The following IQCK variants were observed in gnomAD, a reference collection of about 807,000 sequenced individuals.
IQCK encodes the protein IQ motif containing K.
Under a neutral mutation model 28.1 loss-of-function variants are expected in IQCK, and 29 were observed. The observed-to-expected ratio is 1.03, with a 90% CI of 0.77 to 1.41. The LOEUF (loss-of-function observed/expected upper bound fraction) is 1.41, where lower values mean the gene tolerates loss of function less well. IQCK is among the 40% of genes most tolerant of loss of function. The pLI is 0.00. For synonymous variants in IQCK, 113 were observed against 115.1 expected (o/e 0.98, Z 0.12); for missense variants, 359 against 314.7 (o/e 1.14, Z -1.07).
chr16:19,806,008 G>A (rs1448530304), intron 7 of IQCK, among the ~76,000 whole-genome samples: 1 of 152,162 alleles, frequency 6.6e-6, no homozygotes, highest in Non-Finnish European at 1.5e-5. Context: ...TCTGGGTGAG[G>A]CCATCCGGTA....
chr16:19,850,474 G>A (rs2056468860), intron 9 of IQCK, among the ~76,000 whole-genome samples: 1 of 152,158 alleles, frequency 6.6e-6, no homozygotes. Flanking sequence ...AGCTAATTGA[G>A]TAAAAGATGA....
intron 4 of IQCK, chr16:19,761,315 C>G: frequency 2.3e-6 from 1 of 436,614 alleles, no homozygotes; most frequent in South Asian, 1.6e-5. Context: ...TTCTTTTTTT[C>G]CCTCCTTCAT....
downstream of IQCK, among the ~76,000 whole-genome samples, chr16:19,829,519 TAG>T (rs2056201842): frequency 2.6e-5 from 4 of 152,140 alleles, no homozygotes; most frequent in Admixed American, 2.0e-4. Context: ...GTTTTTTTCG[TAG>T]AGACGGGGTT....
chr16:19,816,287 A>G (rs2055988076), intron 7 of IQCK, among the ~76,000 whole-genome samples: 1 of 151,836 alleles, frequency 6.6e-6, no homozygotes, highest in African/African-American at 2.4e-5. Context: ...TCACAGCAAC[A>G]CTTCTTTTTT....
At chr16:19,757,719 A>G (rs2151704286) in intron 4 of IQCK, among the ~76,000 whole-genome samples, 1 of 152,260 alleles carries the variant, frequency 6.6e-6, no homozygotes, top group South Asian at 2.1e-4. Context: ...GTCTTTTATG[A>G]TGGTATTTTC....
chr16:19,829,989 G>A (rs915390528), downstream of IQCK, among the ~76,000 whole-genome samples: 1 of 151,720 alleles, frequency 6.6e-6, no homozygotes, highest in African/African-American at 2.4e-5. Flanking sequence ...GGCACAAAGT[G>A]AGCACCAGAT....
chr16:19,856,714 C>G, exon 10 of IQCK: 1 of 595,366 alleles, frequency 1.7e-6, no homozygotes. Context: ...AGCTTTAATG[C>G]AAATAGTTTA....
At chr16:19,820,522 G>A (rs543681465) in intron 7 of IQCK, among the ~76,000 whole-genome samples, 6 of 152,098 alleles carry the variant, frequency 3.9e-5, no homozygotes, top group Admixed American at 6.5e-5. Context: ...AGGGGCGGGC[G>A]CCTGTAGTCC....
rs1040061908 is a variant in IQCK at position 19,746,349 on chromosome 16, T to A, written c.474+10899T>A. Among the ~76,000 whole-genome samples the A allele has an allele frequency of 8.5e-5, 13 of 152,304 alleles. No individual in the cohort carries two copies. In the South Asian group the frequency reaches 2.5e-3, roughly 29 times the overall value. ...TTACAAACAATCCAATTACATAGAC[T>A]TTTTTACTTATTTTAAAATGTACAC... On this transcript the variant is annotated intron_variant, in intron 4 of 7. Coordinates refer to ENST00000564186, the Ensembl canonical transcript of IQCK.
At chr16:19,764,729 C>T in intron 6 of IQCK, among the ~76,000 whole-genome samples, 1 of 144,114 alleles carries the variant, frequency 6.9e-6, no homozygotes. Context: ...CTTGCTCTGT[C>T]ACCCAGGCTG....
chr16:19,817,854 T>G (rs2056010454), intron 7 of IQCK, among the ~76,000 whole-genome samples: 1 of 152,160 alleles, frequency 6.6e-6, no homozygotes, highest in South Asian at 2.1e-4. Context: ...GAACCCACCT[T>G]GTATGTCCTT....
chr16:19,733,500 T>C (rs1977907543), intron 2 of IQCK, among the ~76,000 whole-genome samples, 198 bp from the exon 3 acceptor site: 1 of 152,148 alleles, frequency 6.6e-6, no homozygotes, highest in Non-Finnish European at 1.5e-5. Flanking sequence ...AGCTGGTCCT[T>C]CTTTTCTCTA....
intron 9 of IQCK, among the ~76,000 whole-genome samples, chr16:19,853,937 A>G (rs1231383007): frequency 3.3e-5 from 5 of 152,058 alleles, no homozygotes; most frequent in Non-Finnish European, 7.4e-5. Flanking sequence ...CTGTCTGCCA[A>G]CTCTCTCTCT....
intron 9 of IQCK, among the ~76,000 whole-genome samples, chr16:19,845,525 G>A (rs555612293): frequency 1.1e-4 from 16 of 152,268 alleles, no homozygotes; most frequent in Non-Finnish European, 1.6e-4. Context: ...ACAGAATTTC[G>A]AAGGACAACC....
intron 9 of IQCK, among the ~76,000 whole-genome samples, chr16:19,851,682 C>T (rs2056484791): frequency 6.6e-6 from 1 of 152,154 alleles, no homozygotes; most frequent in Non-Finnish European, 1.5e-5. Flanking sequence ...TCCACTCTCC[C>T]AGCCCTTCCG....
At chr16:19,725,003 T>C (rs528081716) in intron 1 of IQCK, among the ~76,000 whole-genome samples, 1 of 152,306 alleles carries the variant, frequency 6.6e-6, no homozygotes, top group Non-Finnish European at 1.5e-5. Context: ...CCAACAAGTT[T>C]CCGGGCTCCT....
intron 3 of IQCK, among the ~76,000 whole-genome samples, chr16:19,734,994 C>T (rs988268527): frequency 6.6e-6 from 1 of 151,974 alleles, no homozygotes; most frequent in East Asian, 1.9e-4. Flanking sequence ...AAGCCCTTAC[C>T]CATTATACTC....
chr16:19,723,666 C>CT (rs1392633165), intron 1 of IQCK, among the ~76,000 whole-genome samples: 1 of 152,088 alleles, frequency 6.6e-6, no homozygotes, highest in Non-Finnish European at 1.5e-5. Context: ...TAAAATGCAG[C>CT]TTCCTGGCCG....
chr16:19,736,610 G>T (rs1978022960), intron 4 of IQCK, among the ~76,000 whole-genome samples: 2 of 152,196 alleles, frequency 1.3e-5, no homozygotes, highest in Non-Finnish European at 2.9e-5. Flanking sequence ...TAGAATTTTG[G>T]ATGATCCAGA....
Sources: gnomAD v4.1 joint callset for allele counts (sites outside exome capture counted in the v4.1 genomes callset) on GRCh38, gnomAD v4.1.1 for gene constraint, MANE v1.5 for transcripts, NCBI Gene and HGNC (gene_info 2026-07-23, HGNC 2026-07-21) for gene names.